Variants in CDH3 observed in about 807,000 individuals in gnomAD.
CDH3 encodes cadherin 3.
Under a neutral mutation model 82.0 loss-of-function variants are expected in CDH3, and 54 were observed. That is an observed-to-expected ratio of 0.66 (90% CI 0.53 to 0.83). The LOEUF is 0.83. Among genes scored for constraint, CDH3 ranks in the 40% least tolerant of loss-of-function variants. CDH3 has a pLI of 0.00. For missense variants in CDH3, 1,054 were observed against 1,084.6 expected (o/e 0.97, Z 0.40); for synonymous variants, 446 against 437.9 (o/e 1.02, Z -0.23).
intron 6 of CDH3, 39 bp downstream of exon 6, chr16:68,678,945 C>G (rs377177844): frequency 3.3e-4 from 538 of 1,606,274 alleles, no homozygotes; most frequent in Non-Finnish European, 4.3e-4. Flanking sequence ...GGGGCTGGGC[C>G]CACACCCTTA....
rs775493235 is a variant in CDH3 at position 68,682,446 on chromosome 16, A to C, written c.1141A>C (p.Thr381Pro). 6.2e-7 allele frequency: 1 copy of C among 1,613,934 alleles called. No individual in the cohort carries two copies. Among genetic ancestry groups the C allele is most frequent in the Non-Finnish European group, 8.5e-7 (1 of 1,179,990 alleles). Reference sequence around the variant, plus strand: ...CGACGGGGACCATTTTACCATCACCACCCACCCTGAGAGCAACCAGGGCAT... The same window carrying C: ...CGACGGGGACCATTTTACCATCACCCCCCACCCTGAGAGCAACCAGGGCAT... ...GDDGDHFTIT[T>P]HPESNQGILT... Residue 381 changes from threonine to proline, a missense_variant, in exon 9 of 16, where the codon ACC becomes CCC. Thr to Pro is a conservative substitution (Grantham distance 38, BLOSUM62 -1). Transcript: ENST00000264012.
intron 2 of CDH3, among the ~76,000 whole-genome samples, chr16:68,655,034 T>C (rs1960376491): frequency 6.8e-6 from 1 of 146,870 alleles, no homozygotes; most frequent in African/African-American, 2.5e-5. Flanking sequence ...AGACTCCATC[T>C]CCAAAAATAA....
chr16:68,675,412 G>A (rs1235401855), intron 2 of CDH3, among the ~76,000 whole-genome samples: 1 of 152,186 alleles, frequency 6.6e-6, no homozygotes, highest in East Asian at 1.9e-4. Flanking sequence ...TTGGCCATAA[G>A]GAAGAGTAGG....
At chr16:68,694,998 G>T in intron 13 of CDH3, among the ~76,000 whole-genome samples, 2 of 152,254 alleles carry the variant, frequency 1.3e-5, no homozygotes, top group South Asian at 4.1e-4. Context: ...GTTGCTGGGG[G>T]TATTCAAGGA....
chr16:68,695,171 C>G, intron 13 of CDH3, 84 bp from the exon 14 acceptor site: 1 of 1,407,916 alleles, frequency 7.1e-7, no homozygotes, highest in Non-Finnish European at 1.0e-6. Flanking sequence ...AGGACATCTG[C>G]AGTTAGAGGG....
At chr16:68,652,911 T>G (rs982202493) in intron 2 of CDH3, among the ~76,000 whole-genome samples, 3 of 152,246 alleles carry the variant, frequency 2.0e-5, no homozygotes, top group Non-Finnish European at 2.9e-5. Flanking sequence ...TATTTCATTA[T>G]GTGACTATCC....
rs1347504347 is a variant in CDH3, at chr16:68,698,630, G to A, written c.*230G>A. 13 of 572,554 alleles carry A rather than the reference G, an allele frequency of 2.3e-5. No homozygotes were observed. In the Admixed American group the frequency reaches 3.4e-4, roughly 15 times the overall value. 35.5% of individuals were successfully genotyped at this position (572,554 alleles called of 1,614,324 possible). A position where few individuals can be genotyped will look rare whatever the true frequency, so the allele number is the denominator to read the frequency against. On this transcript the variant is annotated 3_prime_UTR_variant, in exon 16 of 16. Transcript: ENST00000264012. ...CTGAAAACCTCTCCACCTGGGCCAGGGTTGCCTCAGAGGCCAAGTTTCCAG... is the reference window on the plus strand; with the variant it reads ...CTGAAAACCTCTCCACCTGGGCCAGAGTTGCCTCAGAGGCCAAGTTTCCAG...
chr16:68,645,600 G>C lies in CDH3; in HGVS notation c.46-36G>C, dbSNP rs201849209. 265 of 1,513,916 alleles carry C rather than the reference G, an allele frequency of 1.8e-4. 2 individuals carry two copies. In the East Asian group the frequency reaches 6.3e-3, roughly 36 times the overall value. The allele number at this position is 1,513,916 out of a possible 1,614,324, so 93.8% of individuals were successfully genotyped here. On this transcript the variant is annotated intron_variant, in intron 1 of 15. Coordinates refer to ENST00000264012, the MANE Select transcript of CDH3 (RefSeq NM_001793.6). The stretch of plus-strand genomic sequence containing the variant: ...GGGAGTGCAGGGCCGGGCACGCCTG[G>C]ACCCAGCCTCCTTCACTCTCTGCCC...
chr16:68,647,722 A>G (rs1960118324), intron 2 of CDH3, among the ~76,000 whole-genome samples: 1 of 152,070 alleles, frequency 6.6e-6, no homozygotes, highest in African/African-American at 2.4e-5. Context: ...TCCCAACAAA[A>G]CATATTGCTA....
intron 13 of CDH3, among the ~76,000 whole-genome samples, chr16:68,694,208 G>A (rs1342567878): frequency 6.6e-6 from 1 of 151,576 alleles, no homozygotes; most frequent in African/African-American, 2.4e-5. Context: ...AGCTACTCAG[G>A]AGGCTGAGGT....
intron 4 of CDH3, 64 bp downstream of exon 4, chr16:68,678,341 A>C: frequency 1.2e-6 from 2 of 1,603,208 alleles, no homozygotes; most frequent in South Asian, 1.1e-5. Context: ...AAAGGCCTGC[A>C]TGAGATTTCT....
chr16:68,671,723 T>C (rs1960888997), intron 2 of CDH3, among the ~76,000 whole-genome samples: 1 of 152,002 alleles, frequency 6.6e-6, no homozygotes. Flanking sequence ...GATTTTACTA[T>C]GTTGGCCAGG....
chr16:68,732,101 C>G (rs940293302), downstream of CDH3, among the ~76,000 whole-genome samples: 14 of 151,396 alleles, frequency 9.2e-5, no homozygotes, highest in Non-Finnish European at 7.4e-5. Flanking sequence ...CAGTTAGCAC[C>G]GTTTCAACTG....
In CDH3 at chr16:68,691,894, T is replaced by C; in HGVS notation, c.1970T>C (p.Leu657Pro). The C allele has an allele frequency of 6.2e-7, 1 of 1,613,828 alleles. No individual in the cohort carries two copies. The highest frequency in any genetic ancestry group is 8.5e-7 in the Non-Finnish European group (1 of 1,179,998). The change falls in exon 13 of 16, where the codon CTC becomes CCC. Residue 657 changes from leucine to proline, a missense_variant. Physicochemically the swap from Leu to Pro is moderately conservative, Grantham distance 98. Transcript: ENST00000264012. ...GGACCCTGGAAGGGAGGTTTCATCC[T>C]CCCTGTGCTGGGGGCTGTCCTGGCT... ...CPGPWKGGFI[L>P]PVLGAVLALL...
At chr16:68,651,723 G>T (rs950723826) in intron 2 of CDH3, 2 of 514,720 alleles carry the variant, frequency 3.9e-6, no homozygotes, top group South Asian at 1.6e-5. Flanking sequence ...GTTCTGCATG[G>T]AGTGGTTGAT....
At chr16:68,651,289 G>A in intron 2 of CDH3, 1 of 547,786 alleles carries the variant, frequency 1.8e-6, no homozygotes, top group East Asian at 5.0e-5. Flanking sequence ...GGTCCAGGGA[G>A]CCGTCATGCC....
chr16:68,681,860 A>G (rs1961238881), intron 8 of CDH3, among the ~76,000 whole-genome samples: 1 of 152,194 alleles, frequency 6.6e-6, no homozygotes, highest in Non-Finnish European at 1.5e-5. Context: ...AAATAAATAA[A>G]TAAATTTTTT....
At chr16:68,721,451 C>T (rs1458094219) in intron 1 of CDH3, among the ~76,000 whole-genome samples, 1 of 151,826 alleles carries the variant, frequency 6.6e-6, no homozygotes, top group East Asian at 2.0e-4. Context: ...CCAGGCTGGT[C>T]TCGAACTCCT....
chr16:68,694,987 A>G (rs1961673958), intron 13 of CDH3, among the ~76,000 whole-genome samples: 2 of 152,110 alleles, frequency 1.3e-5, no homozygotes, highest in African/African-American at 4.8e-5. Flanking sequence ...CTTAAGGGGA[A>G]GTTGCTGGGG....
Sources: allele counts gnomAD v4.1 joint callset (sites outside exome capture counted in the v4.1 genomes callset), GRCh38; gene constraint gnomAD v4.1.1; transcripts MANE v1.5; gene names NCBI Gene and HGNC (gene_info 2026-07-23, HGNC 2026-07-21).